TRPM3: variants seen among roughly 807,000 people sequenced by gnomAD.
TRPM3 encodes the protein transient receptor potential cation channel subfamily M member 3, also known as long transient receptor potential channel 3.
TRPM3 carries 77 observed loss-of-function variants against 181.2 expected under a neutral mutation model. The observed-to-expected ratio is 0.42, with a 90% confidence interval of 0.35 to 0.51. The LOEUF (loss-of-function observed/expected upper bound fraction) is 0.51, where lower values mean the gene tolerates loss of function less well. Among genes scored for constraint, TRPM3 ranks in the 20% least tolerant of loss-of-function variants. The probability of loss-of-function intolerance (pLI) is 0.01; values close to 1 mark genes in which losing one functional copy is unlikely to be tolerated. For missense variants in TRPM3, 1,759 were observed against 2,196.7 expected (o/e 0.80, Z 3.98); for synonymous variants, 745 against 796.4 (o/e 0.94, Z 1.09).
chr9:71,145,374 T>C (rs980862268), intron 1 of TRPM3, among the ~76,000 whole-genome samples: 2 of 152,118 alleles, frequency 1.3e-5, no homozygotes, highest in African/African-American at 4.8e-5. Flanking sequence ...CCTTTCCTTT[T>C]CCGGTACCAA....
intron 1 of TRPM3, among the ~76,000 whole-genome samples, chr9:71,313,025 G>A (rs771499621): frequency 2.6e-5 from 4 of 152,036 alleles, no homozygotes; most frequent in Non-Finnish European, 4.4e-5. Context: ...CACCAAGAGT[G>A]AACCCTAATA....
At chr9:71,125,610 G>T (rs1565251234), upstream of TRPM3, among the ~76,000 whole-genome samples, 1 of 152,174 alleles carries the variant, frequency 6.6e-6, no homozygotes, top group East Asian at 1.9e-4. Context: ...TGTGCATTTG[G>T]GTTGATTCCA....
rs186295641 is a variant in TRPM3 at position 70,962,085 on chromosome 9, A to G, written c.178-97574T>C. 2.3e-3 allele frequency among the ~76,000 whole-genome samples: 353 copies of G among 152,296 alleles called. 3 individuals are homozygous for G. The highest frequency in any genetic ancestry group is 6.8e-3 in the Middle Eastern group (2 of 294). On this transcript the variant is annotated intron_variant, in intron 1 of 25. Transcript: ENST00000677713. Reference sequence around the variant, plus strand: ...CTAAAATTCTCAAAGACACTTTCCCAGGTAAATCATGACATGCCTTAGTGC... The same window carrying G: ...CTAAAATTCTCAAAGACACTTTCCCGGGTAAATCATGACATGCCTTAGTGC...
chr9:71,338,890 A>G (rs2090761373), intron 1 of TRPM3, among the ~76,000 whole-genome samples: 1 of 152,178 alleles, frequency 6.6e-6, no homozygotes, highest in South Asian at 2.1e-4. Context: ...TATTTAACTG[A>G]AGGTGTTAAC....
chr9:71,002,637 A>G (rs1322551712), intron 1 of TRPM3, among the ~76,000 whole-genome samples: 1 of 152,170 alleles, frequency 6.6e-6, no homozygotes, highest in Non-Finnish European at 1.5e-5. Flanking sequence ...CAGGCATTCA[A>G]TTAACATTTG....
chr9:70,538,987 C>T (rs1312250832), intron 25 of TRPM3, among the ~76,000 whole-genome samples: 2 of 152,210 alleles, frequency 1.3e-5, no homozygotes, highest in Non-Finnish European at 2.9e-5. Context: ...TGTCCAAAGA[C>T]AAACCTTTTG....
At chr9:71,115,230 G>C (rs1388512131) in intron 1 of TRPM3, among the ~76,000 whole-genome samples, 1 of 133,752 alleles carries the variant, frequency 7.5e-6, no homozygotes, top group South Asian at 2.5e-4. Context: ...TTTCAACGTG[G>C]GGTCCTTCCA....
intron 1 of TRPM3, among the ~76,000 whole-genome samples, chr9:71,351,920 G>A (rs1294203941): frequency 2.0e-5 from 3 of 146,414 alleles, no homozygotes; most frequent in Non-Finnish European, 1.5e-5. Context: ...CTGTCGCCCA[G>A]GCTGGAGTGC....
At chr9:71,036,598 G>T (rs2058233807) in intron 1 of TRPM3, among the ~76,000 whole-genome samples, 1 of 152,190 alleles carries the variant, frequency 6.6e-6, no homozygotes, top group Non-Finnish European at 1.5e-5. Flanking sequence ...ATTTTTGAAG[G>T]AATAGGGGAA....
Position 70,761,583 on chromosome 9 carries a change from C to T in TRPM3, c.1272+18G>A. The T allele has an allele frequency of 6.2e-7, 1 of 1,613,928 alleles. No homozygotes were observed. Among genetic ancestry groups the T allele is most frequent in the Non-Finnish European group, 8.5e-7 (1 of 1,179,964 alleles). ...TGAAAATGTGGAGACAGCTGGCCAC[C>T]CATGCGGAATTACCTACCAATTCCT... On this transcript the variant is annotated intron_variant, in intron 8 of 25. Transcript: ENST00000677713.
chr9:70,629,218 G>T (rs1184816823), intron 12 of TRPM3, among the ~76,000 whole-genome samples: 1 of 59,844 alleles, frequency 1.7e-5, no homozygotes, highest in Admixed American at 1.3e-4. Context: ...CCAGTGCCGG[G>T]GGGGGGGGGG....
chr9:71,415,120 G>C (rs1276228420), intron 1 of TRPM3, among the ~76,000 whole-genome samples: 1 of 152,040 alleles, frequency 6.6e-6, no homozygotes, highest in Admixed American at 6.6e-5. Context: ...CAGAAGAGAA[G>C]GCAATGACCA....
intron 1 of TRPM3, among the ~76,000 whole-genome samples, chr9:71,327,461 G>A (rs556098893): frequency 3.3e-5 from 5 of 152,174 alleles, no homozygotes; most frequent in Admixed American, 1.3e-4. Context: ...AGAGAAGAAT[G>A]TTATATGCAC....
intron 1 of TRPM3, among the ~76,000 whole-genome samples, chr9:71,032,101 T>TA (rs1590822689): frequency 1.1e-5 from 1 of 94,030 alleles, no homozygotes; most frequent in African/African-American, 4.1e-5. Flanking sequence ...TTATATAATA[T>TA]TATATATATT....
chr9:70,935,836 G>A (rs541939214), intron 1 of TRPM3, among the ~76,000 whole-genome samples: 5 of 152,152 alleles, frequency 3.3e-5, no homozygotes, highest in Admixed American at 2.0e-4. Context: ...AATATCCTTC[G>A]GTATGTTGTT....
chr9:71,010,031 C>A (rs1344622601), intron 1 of TRPM3, among the ~76,000 whole-genome samples: 1 of 152,060 alleles, frequency 6.6e-6, no homozygotes, highest in African/African-American at 2.4e-5. Flanking sequence ...TATCCACATG[C>A]AGAAGAATTA....
intron 1 of TRPM3, among the ~76,000 whole-genome samples, chr9:71,215,033 C>CAAAAAACAAAAAA (rs2079758038): frequency 9.5e-6 from 1 of 105,818 alleles, no homozygotes; most frequent in Admixed American, 9.4e-5. Context: ...CACCAAAAAA[C>CAAAAAACAAAAAA]AAAAAAAAAA....
intron 1 of TRPM3, among the ~76,000 whole-genome samples, chr9:71,181,003 T>C (rs2134902560): frequency 6.6e-6 from 1 of 152,292 alleles, no homozygotes; most frequent in African/African-American, 2.4e-5. Flanking sequence ...AGTGTTTATT[T>C]TCTTTATGAT....
At chr9:70,950,046 G>C (rs1207140423) in intron 1 of TRPM3, among the ~76,000 whole-genome samples, 1 of 151,752 alleles carries the variant, frequency 6.6e-6, no homozygotes, top group Non-Finnish European at 1.5e-5. Flanking sequence ...TTCCTACCTT[G>C]TTTATACTAA....
Sources: gnomAD v4.1 joint callset for allele counts (sites outside exome capture counted in the v4.1 genomes callset) on GRCh38, gnomAD v4.1.1 for gene constraint, MANE v1.5 for transcripts, NCBI Gene and HGNC (gene_info 2026-07-23, HGNC 2026-07-21) for gene names.